The following ANGPTL2 variants were observed in gnomAD, a reference collection of about 807,000 sequenced individuals.
The protein encoded by ANGPTL2 is angiopoietin-related protein 2.
A neutral mutation model predicts 52.8 loss-of-function variants in ANGPTL2; 25 were observed. The ratio of observed to expected loss-of-function variants is 0.47; its 90% CI spans 0.35 to 0.66. The LOEUF (loss-of-function observed/expected upper bound fraction) is 0.66, where lower values mean the gene tolerates loss of function less well. Among genes scored for constraint, ANGPTL2 ranks in the 30% least tolerant of loss-of-function variants. The pLI is 0.01. For missense variants in ANGPTL2, 546 were observed against 656.9 expected (o/e 0.83, Z 1.84); for synonymous variants, 276 against 277.4 (o/e 1.00, Z 0.05).
rs114556762 is a variant in ANGPTL2 at position 127,122,340 on chromosome 9, G to A, written c.-75C>T. The A allele has an allele frequency of 3.9e-5, 6 of 152,388 alleles. No individual in the cohort carries two copies. The highest frequency in any genetic ancestry group is 2.1e-4 in the South Asian group (1 of 4,828). The allele number at this position is 152,388 out of a possible 1,614,324, so 9.4% of individuals were successfully genotyped here. On this transcript the variant is annotated 5_prime_UTR_variant, in exon 1 of 5. Transcript: ENST00000373425. This position sits in a 1 kb window ranked among gnomAD's most constrained non-coding sequence, Gnocchi z 6.4. Reference sequence around the variant, plus strand: ...CTCTTCCCTCCTGCTTGGCTCCGGGGCGGCTCCTCACATGCTTCACCCTGG... The same window carrying A: ...CTCTTCCCTCCTGCTTGGCTCCGGGACGGCTCCTCACATGCTTCACCCTGG...
chr9:127,108,235 G>C lies in ANGPTL2; in HGVS notation c.497C>G (p.Thr166Arg), dbSNP rs773067095. Residue 166 changes from threonine (T) to arginine (R), a missense_variant, in exon 2 of 5, where the codon ACA becomes AGA. By Grantham distance (71) the Thr-to-Arg change is moderately conservative. Around this residue, in one of 2 missense-constraint regions of ANGPTL2, gnomAD observed 285 missense variants for 295.8 expected, o/e 0.96. Transcript: ENST00000373425. Reference sequence around the variant, plus strand: ...GCTGGCCAGCTGCAGCATGTCGGCTGTCTGGTTCAGGATCCTGTTCTCCAG... The same window carrying C: ...GCTGGCCAGCTGCAGCATGTCGGCTCTCTGGTTCAGGATCCTGTTCTCCAG... ...SQLENRILNQ[T>R]ADMLQLASKY... 1.9e-6 allele frequency: 3 copies of C among 1,614,086 alleles called. No homozygotes were observed. Among genetic ancestry groups the C allele is most frequent in the Admixed American group, 1.7e-5 (1 of 60,020 alleles).
At chr9:127,107,848 C>T in intron 2 of ANGPTL2, 67 bp downstream of exon 2, 4 of 1,466,286 alleles carry the variant, frequency 2.7e-6, no homozygotes, top group Non-Finnish European at 3.7e-6. Context: ...CATTTGTGGA[C>T]ACAGCCAAGG....
At chr9:127,103,761 G>A (rs765233166) in intron 2 of ANGPTL2, among the ~76,000 whole-genome samples, 7 of 152,166 alleles carry the variant, frequency 4.6e-5, no homozygotes, top group Non-Finnish European at 8.8e-5. Context: ...TGTTTGGAAC[G>A]TGGTACCAGG....
rs773752515 is a variant in ANGPTL2, at chr9:127,091,878, C to A, written c.1074G>T (p.Thr358=). The change falls in exon 4 of 5, where the codon ACG becomes ACT. Residue 358 remains threonine, a synonymous_variant. Transcript: ENST00000373425. The surrounding 1 kb of genome is among the most constrained non-coding windows in gnomAD (Gnocchi z 4.3). Reference sequence around the variant, plus strand: ...CCAGGAGTTTGTAGTTGCCTTGGTTCGTCAGCCAGTAAATGTTCTCCAGGC... The same window carrying A: ...CCAGGAGTTTGTAGTTGCCTTGGTTAGTCAGCCAGTAAATGTTCTCCAGGC... ...WLGLENIYWL[T]NQGNYKLLVT... The A allele has an allele frequency of 1.9e-6, 3 of 1,614,020 alleles. No individual in the cohort carries two copies. In the Admixed American group the frequency reaches 5.0e-5, roughly 27 times the overall value.
In ANGPTL2 at chr9:127,087,525, A is replaced by T. The variant is rs2051904134; in HGVS notation, c.*1414T>A. The T allele has an allele frequency of 6.6e-6, 1 of 152,378 alleles. No homozygotes were observed. Among genetic ancestry groups the T allele is most frequent in the Admixed American group, 6.6e-5 (1 of 15,252 alleles). 9.4% of individuals were successfully genotyped at this position (152,378 alleles called of 1,614,324 possible). ...GACAGTACCAAACATCCAACATCTC[A>T]CACAGCCTGGCCCACGTGCCCACCG... On this transcript the variant is annotated 3_prime_UTR_variant, in exon 5 of 5. Coordinates refer to ENST00000373425, the MANE Select transcript of ANGPTL2 (RefSeq NM_012098.3).
intron 1 of ANGPTL2, among the ~76,000 whole-genome samples, chr9:127,118,187 A>G (rs892521460): frequency 6.6e-6 from 1 of 152,146 alleles, no homozygotes; most frequent in African/African-American, 2.4e-5. Context: ...ACATTTTAAC[A>G]TTCCTGGGAC....
chr9:127,114,093 A>G (rs1427068793), intron 1 of ANGPTL2, among the ~76,000 whole-genome samples: 1 of 152,214 alleles, frequency 6.6e-6, no homozygotes, highest in Non-Finnish European at 1.5e-5. Context: ...TATATACATT[A>G]TCTCACTTAA....
chr9:127,089,430 T>G (rs547759265), intron 4 of ANGPTL2, among the ~76,000 whole-genome samples: 65 of 152,242 alleles, frequency 4.3e-4, no homozygotes, highest in African/African-American at 1.5e-3. Flanking sequence ...ACAGGGCGGC[T>G]CTGAGGATTG....
At chr9:127,104,083 G>A (rs2053993967) in intron 2 of ANGPTL2, among the ~76,000 whole-genome samples, 2 of 152,192 alleles carry the variant, frequency 1.3e-5, no homozygotes, top group African/African-American at 4.8e-5. Flanking sequence ...TAGGGGATCT[G>A]AGAGGCCCCT....
intron 1 of ANGPTL2, 34 bp from the exon 2 acceptor site, chr9:127,108,814 T>A: frequency 1.4e-6 from 2 of 1,387,942 alleles, no homozygotes; most frequent in Non-Finnish European, 1.9e-6. Flanking sequence ...TCAGTGATGG[T>A]CCCACCACTG....
At chr9:127,116,776 T>C (rs1344533899) in intron 1 of ANGPTL2, among the ~76,000 whole-genome samples, 1 of 152,200 alleles carries the variant, frequency 6.6e-6, no homozygotes. Flanking sequence ...TGTGTCTGCC[T>C]CACTGATCCC....
chr9:127,107,814 C>T, intron 2 of ANGPTL2, 101 bp downstream of exon 2: 1 of 1,277,052 alleles, frequency 7.8e-7, no homozygotes, highest in African/African-American at 1.5e-5. Flanking sequence ...TTTGGCCTGG[C>T]TTCAACTGGC....
At chr9:127,115,090 G>A (rs1298309480) in intron 1 of ANGPTL2, among the ~76,000 whole-genome samples, 6 of 152,220 alleles carry the variant, frequency 3.9e-5, no homozygotes, top group Admixed American at 3.9e-4. Flanking sequence ...TGGGTGCCCA[G>A]CTGTACTCTA....
chr9:127,102,449 T>A (rs1268846100), intron 2 of ANGPTL2, among the ~76,000 whole-genome samples: 1 of 152,188 alleles, frequency 6.6e-6, no homozygotes, highest in African/African-American at 2.4e-5. Context: ...ATGCCTGATC[T>A]CTAGGGTTTT....
Position 127,122,016 on chromosome 9 carries a change from G to A in ANGPTL2, c.-50+299C>T, listed in dbSNP as rs188826081. On this transcript the variant is annotated intron_variant, in intron 1 of 4. Coordinates refer to ENST00000373425, the MANE Select transcript of ANGPTL2 (RefSeq NM_012098.3). This position sits in a 1 kb window ranked among gnomAD's most constrained non-coding sequence, Gnocchi z 6.4. ...CACGCACACTCCCAGCTGCTCTGCC[G>A]TGCCGGGAGCTGCCGGCCGGCACCC... Among the ~76,000 whole-genome samples, 335 of 152,208 alleles carry A rather than the reference G, an allele frequency of 2.2e-3. No homozygotes were observed. The highest frequency in any genetic ancestry group is 7.6e-3 in the African/African-American group (314 of 41,536).
At chr9:127,089,705 A>C (rs900389029) in intron 4 of ANGPTL2, among the ~76,000 whole-genome samples, 1 of 152,262 alleles carries the variant, frequency 6.6e-6, no homozygotes, top group Non-Finnish European at 1.5e-5. Context: ...TACTTCACAA[A>C]GGAAAGATAT....
Position 127,112,417 on chromosome 9 carries a change from C to T in ANGPTL2, c.-49-3637G>A, listed in dbSNP as rs560223789. Among the ~76,000 whole-genome samples, 116 of 152,368 alleles carry T rather than the reference C, an allele frequency of 7.6e-4. 2 individuals carry two copies. The highest frequency in any genetic ancestry group is 3.9e-4 in the Admixed American group (6 of 15,310). On this transcript the variant is annotated intron_variant, in intron 1 of 4. Coordinates refer to ENST00000373425, the MANE Select transcript of ANGPTL2 (RefSeq NM_012098.3). Reference sequence around the variant, plus strand: ...CTCACCTGAGGCAGTGGGTGACAGACACCTCTCTGTGCCCATGTGGGCGCA... The same window carrying T: ...CTCACCTGAGGCAGTGGGTGACAGATACCTCTCTGTGCCCATGTGGGCGCA...
Position 127,108,244 on chromosome 9 carries a change from A to G in ANGPTL2, c.488T>C (p.Leu163Pro), listed in dbSNP as rs1245957002. 3 of 1,614,064 alleles carry G rather than the reference A, an allele frequency of 1.9e-6. No homozygotes were observed. In the Admixed American group the frequency reaches 5.0e-5, roughly 27 times the overall value. ...CTGCAGCATGTCGGCTGTCTGGTTC[A>G]GGATCCTGTTCTCCAGCTGGGAGAG... ...LELSQLENRI[L>P]NQTADMLQLA... Residue 163 changes from leucine (L) to proline (P), a missense_variant, in exon 2 of 5, where the codon CTG becomes CCG. By Grantham distance (98) the Leu-to-Pro change is moderately conservative. Transcript: ENST00000373425.
intron 2 of ANGPTL2, among the ~76,000 whole-genome samples, chr9:127,106,638 G>A (rs2054244023): frequency 6.6e-6 from 1 of 152,196 alleles, no homozygotes; most frequent in Non-Finnish European, 1.5e-5. Flanking sequence ...CAAAGCGCCT[G>A]CTCTCAATCC....
Sources: allele counts gnomAD v4.1 joint callset (sites outside exome capture counted in the v4.1 genomes callset), GRCh38; gene constraint gnomAD v4.1.1; regional missense constraint gnomAD v4.1.1; non-coding constraint Gnocchi (gnomAD v3.1); transcripts MANE v1.5; gene names NCBI Gene and HGNC (gene_info 2026-07-23, HGNC 2026-07-21).